Variants in ABCB11 observed in about 807,000 individuals in gnomAD.
ABCB11 encodes ATP binding cassette subfamily B member 11, also known as bile salt export pump.
In ABCB11, 95 loss-of-function variants were observed where a neutral mutation model predicts 148.0. The observed-to-expected ratio is 0.64, with a 90% confidence interval of 0.54 to 0.76. The LOEUF is 0.76. Ranked by LOEUF, ABCB11 falls within the 30% of genes least tolerant of loss-of-function variation. ABCB11 has a pLI of 0.00. For synonymous variants in ABCB11, 591 were observed against 555.4 expected (o/e 1.06, Z -0.90); for missense variants, 1,523 against 1,617.8 (o/e 0.94, Z 1.01).
At chr2:168,935,603 T>G (rs1691784607) in intron 22 of ABCB11, among the ~76,000 whole-genome samples, 178 bp from the exon 23 acceptor site, 1 of 152,144 alleles carries the variant, frequency 6.6e-6, no homozygotes, top group Non-Finnish European at 1.5e-5. Context: ...CACGAGACAA[T>G]TTTTCAGTTA....
At chr2:168,967,863 A>G (rs1458324440) in intron 17 of ABCB11, among the ~76,000 whole-genome samples, 1 of 151,968 alleles carries the variant, frequency 6.6e-6, no homozygotes, top group African/African-American at 2.4e-5. Flanking sequence ...ATATATTTTG[A>G]AAGTAAACAG....
In ABCB11 at chr2:168,970,204, G is replaced by C. The variant is rs1490312459; in HGVS notation, c.1650C>G (p.Thr550=). The C allele has an allele frequency of 6.2e-7, 1 of 1,611,524 alleles. No individual in the cohort carries two copies. ...FIMDLPQQFD[T]LVGEGGGQMS... ...TCTGGCCTCCTCCTTCTCCAACAAGGGTGTCAAATTGCTAGATGGAAGGTG... is the reference window on the plus strand; with the variant it reads ...TCTGGCCTCCTCCTTCTCCAACAAGCGTGTCAAATTGCTAGATGGAAGGTG... The change falls in exon 15 of 28, where the codon ACC becomes ACG. Residue 550 remains threonine (T), a synonymous_variant. Coordinates refer to ENST00000650372, the MANE Select transcript of ABCB11 (RefSeq NM_003742.4).
chr2:168,984,246 G>C (rs1694238482), intron 10 of ABCB11, among the ~76,000 whole-genome samples: 1 of 152,076 alleles, frequency 6.6e-6, no homozygotes, highest in Non-Finnish European at 1.5e-5. Flanking sequence ...GTCCTCTATA[G>C]CATGTCTCTA....
intron 19 of ABCB11, among the ~76,000 whole-genome samples, chr2:168,954,756 G>A (rs1043331712): frequency 4.0e-5 from 6 of 151,616 alleles, no homozygotes; most frequent in African/African-American, 1.5e-4. Context: ...TTCTGAACTG[G>A]TTGTCTAACA....
At chr2:168,923,924 T>C (rs1691188491) in intron 27 of ABCB11, 102 bp from the exon 28 acceptor site, 1 of 1,123,046 alleles carries the variant, frequency 8.9e-7, no homozygotes, top group African/African-American at 1.5e-5. Context: ...AATCCTATAC[T>C]TGACGGCAAA....
Position 168,923,124 on chromosome 2 carries a change from C to G in ABCB11, c.*498G>C, listed in dbSNP as rs1458298808. ...GAAAGACAAATTTAGTTAAGAAACA[C>G]AGCTGGTCTTCAGTCCTTCTGTTCT... is the stretch of plus-strand genomic sequence containing the variant. On this transcript the variant is annotated 3_prime_UTR_variant, in exon 28 of 28. Transcript: ENST00000650372. 1 of 156,524 alleles carries G rather than the reference C, an allele frequency of 6.4e-6. No homozygotes were observed. The highest frequency in any genetic ancestry group is 1.4e-5 in the Non-Finnish European group (1 of 70,704). The allele number at this position is 156,524 out of a possible 1,614,324, so 9.7% of individuals were successfully genotyped here. A position where few individuals can be genotyped will look rare whatever the true frequency, so the allele number is the denominator to read the frequency against.
chr2:169,006,928 A>C (rs902783073), intron 5 of ABCB11, among the ~76,000 whole-genome samples: 2 of 152,234 alleles, frequency 1.3e-5, no homozygotes, highest in African/African-American at 4.8e-5. Context: ...ATCACGAATC[A>C]GAAGACTTAA....
chr2:168,938,375 T>C (rs1432523153), intron 21 of ABCB11, among the ~76,000 whole-genome samples: 1 of 152,150 alleles, frequency 6.6e-6, no homozygotes, highest in East Asian at 1.9e-4. Context: ...TACTATAGCA[T>C]AGAGAAACTT....
chr2:168,940,094 A>G (rs1267742180), intron 21 of ABCB11, among the ~76,000 whole-genome samples: 1 of 152,054 alleles, frequency 6.6e-6, no homozygotes, highest in Non-Finnish European at 1.5e-5. Flanking sequence ...AATTAGGCCA[A>G]CTAATAACGC....
intron 1 of ABCB11, among the ~76,000 whole-genome samples, chr2:169,028,769 G>A (rs1263773345): frequency 6.6e-6 from 1 of 152,178 alleles, no homozygotes. Flanking sequence ...ACAGAGGTTA[G>A]GAAATGGGTT....
intron 5 of ABCB11, among the ~76,000 whole-genome samples, chr2:169,005,493 C>T (rs747914356): frequency 3.9e-5 from 6 of 152,060 alleles, no homozygotes; most frequent in African/African-American, 7.2e-5. Context: ...CTGGCAGTTA[C>T]AGGCCTTAAC....
chr2:168,949,752 A>T (rs981304682), intron 19 of ABCB11, among the ~76,000 whole-genome samples: 105 of 151,692 alleles, frequency 6.9e-4, no homozygotes, highest in African/African-American at 2.4e-3. Flanking sequence ...TGAAGAATAC[A>T]AAGTATTGAT....
chr2:168,927,260 C>T lies in ABCB11; in HGVS notation c.3514G>A (p.Asp1172Asn). 1 of 1,613,810 alleles carries T rather than the reference C, an allele frequency of 6.2e-7. No homozygotes were observed. The highest frequency in any genetic ancestry group is 8.5e-7 in the Non-Finnish European group (1 of 1,179,780). Reference protein sequence around the residue: ...EPVLFACSIMDNIKYGDNTKE... With the variant: ...EPVLFACSIMNNIKYGDNTKE... Reference sequence around the variant, plus strand: ...GTGTTGTCTCCATACTTGATATTGTCCATTATGCTACAGGCAAACAACACT... The same window carrying T: ...GTGTTGTCTCCATACTTGATATTGTTCATTATGCTACAGGCAAACAACACT... Residue 1172 changes from aspartate (D) to asparagine (N), a missense_variant, in exon 26 of 28, where the codon GAC becomes AAC. Transcript: ENST00000650372.
At chr2:168,986,450 A>G (rs1694328924) in intron 9 of ABCB11, among the ~76,000 whole-genome samples, 166 bp from the exon 10 acceptor site, 1 of 152,146 alleles carries the variant, frequency 6.6e-6, no homozygotes, top group African/African-American at 2.4e-5. Context: ...AGTTTTTTAA[A>G]GTTTGTTTTA....
chr2:168,923,247 T>C lies in ABCB11; in HGVS notation c.*375A>G. ...CCGAGGGTTCAAAAATGAAAGACAG[T>C]TCTCTGCCCTTGAGGAGTTCAAAGT... On this transcript the variant is annotated 3_prime_UTR_variant, in exon 28 of 28. Transcript: ENST00000650372. The C allele has an allele frequency of 4.1e-6, 1 of 241,308 alleles. No homozygotes were observed. The highest frequency in any genetic ancestry group is 8.1e-6 in the Non-Finnish European group (1 of 124,108). The allele number at this position is 241,308 out of a possible 1,614,324, so 14.9% of individuals were successfully genotyped here.
At chr2:168,952,479 T>C (rs1272264229) in intron 19 of ABCB11, among the ~76,000 whole-genome samples, 1 of 151,634 alleles carries the variant, frequency 6.6e-6, no homozygotes, top group African/African-American at 2.4e-5. Flanking sequence ...TCCAGGAATT[T>C]ATCTATTTCC....
intron 16 of ABCB11, 73 bp downstream of exon 16, chr2:168,969,277 C>A (rs1420072175): frequency 7.3e-6 from 10 of 1,375,302 alleles, no homozygotes; most frequent in Non-Finnish European, 1.0e-6. Flanking sequence ...TATTGAAATA[C>A]ATAGAAAACC....
In ABCB11 at chr2:168,923,261, G is replaced by A; in HGVS notation, c.*361C>T. The A allele has an allele frequency of 1.3e-5, 4 of 302,114 alleles. No individual in the cohort carries two copies. The South Asian group carries it at 2.2e-4, about 16-fold the overall frequency. 18.7% of individuals were successfully genotyped at this position (302,114 alleles called of 1,614,324 possible). A position where few individuals can be genotyped will look rare whatever the true frequency, so the allele number is the denominator to read the frequency against. ...ATGAAAGACAGTTCTCTGCCCTTGA[G>A]GAGTTCAAAGTGTCACTTACTCCCT... On this transcript the variant is annotated 3_prime_UTR_variant, in exon 28 of 28. Coordinates refer to ENST00000650372, the MANE Select transcript of ABCB11 (RefSeq NM_003742.4).
At chr2:169,022,602 G>A (rs13390715) in intron 1 of ABCB11, among the ~76,000 whole-genome samples, 224 of 151,924 alleles carry the variant, frequency 1.5e-3, no homozygotes, top group African/African-American at 5.1e-3. Context: ...AATGTTACAG[G>A]CAAATTTTAC....
Sources: allele counts gnomAD v4.1 joint callset (sites outside exome capture counted in the v4.1 genomes callset), GRCh38; gene constraint gnomAD v4.1.1; transcripts MANE v1.5; gene names NCBI Gene and HGNC (gene_info 2026-07-23, HGNC 2026-07-21).